Variants in UTP20 observed in about 807,000 individuals in gnomAD.
The protein encoded by UTP20 is small subunit processome component 20 homolog.
In UTP20, 164 loss-of-function variants were observed where a neutral mutation model predicts 329.5. The observed-to-expected ratio is 0.50, with a 90% CI of 0.44 to 0.57. The LOEUF (loss-of-function observed/expected upper bound fraction) is 0.57, where lower values mean the gene tolerates loss of function less well. Ranked by LOEUF, UTP20 falls within the 20% of genes least tolerant of loss-of-function variation. UTP20 has a pLI of 0.00. For synonymous variants in UTP20, 1,151 were observed against 1,159.3 expected (o/e 0.99, Z 0.14); for missense variants, 3,055 against 3,284.2 (o/e 0.93, Z 1.71).
intron 51 of UTP20, among the ~76,000 whole-genome samples, chr12:101,372,620 G>A (rs1870331319): frequency 6.6e-6 from 1 of 152,244 alleles, no homozygotes; most frequent in Non-Finnish European, 1.5e-5. Context: ...TAGATTTGTA[G>A]TCTTAAACCA....
chr12:101,283,950 A>G (rs1309753549), intron 2 of UTP20, among the ~76,000 whole-genome samples: 2 of 151,096 alleles, frequency 1.3e-5, no homozygotes, highest in Non-Finnish European at 2.9e-5. Context: ...CTAACTATTG[A>G]TTTTAAAGAT....
intron 51 of UTP20, 57 bp downstream of exon 51, chr12:101,371,225 G>A: frequency 2.3e-6 from 3 of 1,315,442 alleles, no homozygotes; most frequent in South Asian, 1.4e-5. Flanking sequence ...CATCTTTGTG[G>A]CAGAGGTGTC....
At chr12:101,372,648 C>G (rs540858662) in intron 51 of UTP20, among the ~76,000 whole-genome samples, 1 of 152,286 alleles carries the variant, frequency 6.6e-6, no homozygotes, top group Admixed American at 6.5e-5. Flanking sequence ...AGTGGCAGGC[C>G]AGGGCTTGCC....
At chr12:101,373,963 C>T (rs1213885782) in intron 54 of UTP20, among the ~76,000 whole-genome samples, 196 bp downstream of exon 54, 5 of 152,142 alleles carry the variant, frequency 3.3e-5, no homozygotes, top group East Asian at 1.9e-4. Context: ...AGGCCGGGCG[C>T]GGTGGCTCAC....
chr12:101,317,375 G>A (rs1873004707), intron 21 of UTP20, 103 bp from the exon 22 acceptor site: 2 of 1,265,466 alleles, frequency 1.6e-6, no homozygotes, highest in Admixed American at 2.2e-5. Flanking sequence ...TCTCTTCAGT[G>A]TGTGATTCTG....
At chr12:101,292,192 A>G in intron 10 of UTP20, 88 bp downstream of exon 10, 2 of 1,409,274 alleles carry the variant, frequency 1.4e-6, no homozygotes, top group South Asian at 3.0e-5. Flanking sequence ...GAAGTGTGAC[A>G]AAGGCTCTGC....
chr12:101,293,407 A>G (rs1316948148), intron 11 of UTP20, among the ~76,000 whole-genome samples, 162 bp downstream of exon 11: 2 of 152,196 alleles, frequency 1.3e-5, no homozygotes. Context: ...ATTCAATTCT[A>G]GATTACTTGT....
intron 10 of UTP20, 140 bp from the exon 11 acceptor site, chr12:101,293,028 A>G: frequency 2.7e-6 from 2 of 742,174 alleles, no homozygotes; most frequent in Non-Finnish European, 2.2e-6. Context: ...CATCTGTGGA[A>G]GCACCTTTGG....
chr12:101,373,397 C>G lies in UTP20; in HGVS notation c.6879-4C>G. The G allele has an allele frequency of 1.2e-6, 2 of 1,613,520 alleles. No homozygotes were observed. Among genetic ancestry groups the G allele is most frequent in the Non-Finnish European group, 1.7e-6 (2 of 1,179,458 alleles). The stretch of plus-strand genomic sequence containing the variant: ...AACAAATCCACCTAATGTCCTTCCC[C>G]TAGTTACGAACATGAGACCGGGAGA... On this transcript the variant is annotated splice_region_variant and splice_polypyrimidine_tract_variant and intron_variant, in intron 52 of 61. Transcript: ENST00000261637.
Position 101,371,160 on chromosome 12 carries a change from T to C in UTP20, c.6790T>C (p.Cys2264Arg), listed in dbSNP as rs764628008. 8 of 1,613,150 alleles carry C rather than the reference T, an allele frequency of 5.0e-6. No homozygotes were observed. Among genetic ancestry groups the C allele is most frequent in the African/African-American group, 2.7e-5 (2 of 74,882 alleles). ...SAQSEPARVQ[C>R]RQVFLKYILD... ...ACAAAGCGAACCTGCCAGGGTCCAG[T>C]GTAGACAGGTTTGTAGAGAGCACTT... The change falls in exon 51 of 62, where the codon TGT becomes CGT. Residue 2264 changes from cysteine (C) to arginine (R), a missense_variant. Around this residue, in one of 3 missense-constraint regions of UTP20, gnomAD observed 273 missense variants for 363.1 expected, o/e 0.75. Coordinates refer to ENST00000261637, the MANE Select transcript of UTP20 (RefSeq NM_014503.3).
At chr12:101,300,206 T>C in intron 14 of UTP20, 145 bp downstream of exon 14, 1 of 835,212 alleles carries the variant, frequency 1.2e-6, no homozygotes, top group Non-Finnish European at 1.9e-6. Flanking sequence ...AATGAGGATA[T>C]GATGGGCATG....
intron 55 of UTP20, 50 bp from the exon 56 acceptor site, chr12:101,375,574 G>T (rs1870444563): frequency 6.3e-7 from 1 of 1,596,612 alleles, no homozygotes. Flanking sequence ...TTGTCCATCA[G>T]ATACTTTCAG....
intron 2 of UTP20, 27 bp from the exon 3 acceptor site, chr12:101,285,543 A>T: frequency 6.2e-7 from 1 of 1,609,538 alleles, no homozygotes; most frequent in East Asian, 2.2e-5. Context: ...GAGTTATTTG[A>T]TTAATGGACT....
chr12:101,338,113 T>C lies in UTP20; in HGVS notation c.3704T>C (p.Val1235Ala). Reference sequence around the variant, plus strand: ...CCAGAATGTGATATCCTGACCAATGTTTTTGCAATTCTCTCAGCGAAGAAT... The same window carrying C: ...CCAGAATGTGATATCCTGACCAATGCTTTTGCAATTCTCTCAGCGAAGAAT... ...GHPECDILTN[V>A]FAILSAKNLS... The change falls in exon 30 of 62, where the codon GTT becomes GCT. Residue 1235 changes from valine to alanine, a missense_variant. Around this residue, in one of 3 missense-constraint regions of UTP20, gnomAD observed 2,445 missense variants for 2,575.5 expected, o/e 0.95. Coordinates refer to ENST00000261637, the MANE Select transcript of UTP20 (RefSeq NM_014503.3). 1 of 1,614,198 alleles carries C rather than the reference T, an allele frequency of 6.2e-7. No homozygotes were observed. The highest frequency in any genetic ancestry group is 1.3e-5 in the African/African-American group (1 of 75,064).
intron 38 of UTP20, among the ~76,000 whole-genome samples, chr12:101,351,526 CTTTT>C (rs753646442): frequency 8.5e-6 from 1 of 117,868 alleles, no homozygotes. Flanking sequence ...AGGCAGTGTA[CTTTT>C]TTTTTTTTTT....
intron 28 of UTP20, 112 bp downstream of exon 28, chr12:101,333,556 A>G (rs1868832841): frequency 7.5e-7 from 1 of 1,336,352 alleles, no homozygotes; most frequent in Middle Eastern, 1.9e-4. Flanking sequence ...CTTTCCTTTT[A>G]CATCGAGCCC....
In UTP20 at chr12:101,386,151, A is replaced by G; in HGVS notation, c.*28A>G. The G allele has an allele frequency of 6.3e-7, 1 of 1,578,352 alleles. No individual in the cohort carries two copies. Among genetic ancestry groups the G allele is most frequent in the Non-Finnish European group, 8.5e-7 (1 of 1,169,614 alleles). ...TCTCCCTGTGCTGATACAAGCATGAACTTTCTGGAATATTCTGCTAGTCTG... is the reference window on the plus strand; with the variant it reads ...TCTCCCTGTGCTGATACAAGCATGAGCTTTCTGGAATATTCTGCTAGTCTG... On this transcript the variant is annotated 3_prime_UTR_variant, in exon 62 of 62. Transcript: ENST00000261637.
At chr12:101,284,252 C>T (rs1438451244) in intron 2 of UTP20, among the ~76,000 whole-genome samples, 2 of 152,000 alleles carry the variant, frequency 1.3e-5, no homozygotes, top group East Asian at 1.9e-4. Flanking sequence ...CTTCCTCCAC[C>T]CTCTAGTAAT....
At chr12:101,370,370 C>G (rs1870243315) in intron 49 of UTP20, 62 bp from the exon 50 acceptor site, 1 of 1,558,054 alleles carries the variant, frequency 6.4e-7, no homozygotes, top group Non-Finnish European at 8.7e-7. Flanking sequence ...AAGTCCTTGT[C>G]ATTTCACTGG....
Sources: gnomAD v4.1 joint callset for allele counts (sites outside exome capture counted in the v4.1 genomes callset) on GRCh38, gnomAD v4.1.1 for gene constraint, gnomAD v4.1.1 regional missense constraint, MANE v1.5 for transcripts, NCBI Gene and HGNC (gene_info 2026-07-23, HGNC 2026-07-21) for gene names.